Variants in NAT1 observed in about 807,000 individuals in gnomAD.
The protein encoded by NAT1 is arylamine N-acetyltransferase 1.
For missense variants in NAT1, 400 were observed against 339.2 expected (o/e 1.18, Z -1.41); for synonymous variants, 144 against 122.6 (o/e 1.17, Z -1.16).
intron 1 of NAT1, among the ~76,000 whole-genome samples, chr8:18,215,999 G>A (rs542691707): frequency 5.8e-4 from 88 of 152,256 alleles, no homozygotes; most frequent in Non-Finnish European, 9.4e-4. Context: ...GAGAAGCACC[G>A]TTTTCATGTA....
chr8:18,183,162 G>A (rs1802588704), intron 2 of NAT1, among the ~76,000 whole-genome samples: 1 of 152,114 alleles, frequency 6.6e-6, no homozygotes, highest in African/African-American at 2.4e-5. Context: ...GTGGTGGAAG[G>A]TGAAAAGGAC....
At position 18,180,349 on chromosome 8, in the gene NAT1, GC is replaced by G. The variant is rs1315572099; in HGVS notation, n.92+9611del. Among the ~76,000 whole-genome samples, 6 of 152,144 alleles carry G rather than the reference GC, an allele frequency of 3.9e-5. No homozygotes were observed. In the East Asian group the frequency reaches 9.6e-4, roughly 24 times the overall value. ...TCTGAGGGGTTGAGAAATGGTTTTT[GC>G]AGTCCAAAAGTACAGATGGAGCAAA... On this transcript the variant is annotated intron_variant and non_coding_transcript_variant, in intron 2 of 4. Coordinates refer to the NAT1 transcript ENST00000517441.
intron 2 of NAT1, among the ~76,000 whole-genome samples, chr8:18,188,077 T>C (rs1802818023): frequency 6.6e-6 from 1 of 151,994 alleles, no homozygotes; most frequent in African/African-American, 2.4e-5. Context: ...CTTTACATAA[T>C]ACAGACTAGA....
At chr8:18,216,883 A>G (rs1215092303) in intron 1 of NAT1, 1 of 1,546,242 alleles carries the variant, frequency 6.5e-7, no homozygotes, top group South Asian at 1.2e-5. Context: ...ACAGACGTGT[A>G]CAGAAGGGCC....
In NAT1 at chr8:18,219,373, T is replaced by C. The variant is rs1244627326; in HGVS notation, c.-85-38T>C. The C allele has an allele frequency of 3.8e-6, 5 of 1,331,618 alleles. No homozygotes were observed. The African/African-American group carries it at 7.4e-5, about 20-fold the overall frequency. 82.5% of individuals were successfully genotyped at this position (1,331,618 alleles called of 1,614,324 possible). On this transcript the variant is annotated intron_variant, in intron 1 of 2. Transcript: ENST00000307719. ...TATTATTTTGTTTTCAAGGAAGTCA[T>C]GTTATATATTTCTGACTGTCTTTTC...
rs141105662 is a variant in NAT1 at position 18,175,775 on chromosome 8, T to C, written n.92+5036T>C. The stretch of plus-strand genomic sequence containing the variant: ...TATGGTAATTATATTTTTAGTTTTT[T>C]TGAGGAAACTTCATACTTTTTCCCA... On this transcript the variant is annotated intron_variant and non_coding_transcript_variant, in intron 2 of 4. Coordinates refer to the NAT1 transcript ENST00000517441. 1.6e-3 allele frequency among the ~76,000 whole-genome samples: 241 copies of C among 152,218 alleles called. 6 individuals carry two copies. In the East Asian group the frequency reaches 0.027, roughly 17 times the overall value.
chr8:18,193,277 C>G (rs1234301746), intron 2 of NAT1, among the ~76,000 whole-genome samples: 2 of 148,952 alleles, frequency 1.3e-5, no homozygotes, highest in Admixed American at 1.3e-4. Context: ...GATGGGGTTT[C>G]CCTGTGTTGG....
At chr8:18,221,310 G>GT (rs1192441117) in intron 2 of NAT1, among the ~76,000 whole-genome samples, 5 of 137,702 alleles carry the variant, frequency 3.6e-5, no homozygotes, top group African/African-American at 1.5e-4. Flanking sequence ...TTTTTTTGGT[G>GT]TGTTTTTTTT....
chr8:18,191,918 C>T (rs1803007489), intron 2 of NAT1, among the ~76,000 whole-genome samples: 1 of 152,168 alleles, frequency 6.6e-6, no homozygotes, highest in African/African-American at 2.4e-5. Flanking sequence ...CCATTTAGGA[C>T]ATAGGCATGG....
At chr8:18,191,593 A>G (rs866499169) in intron 2 of NAT1, among the ~76,000 whole-genome samples, 8 of 151,962 alleles carry the variant, frequency 5.3e-5, no homozygotes, top group African/African-American at 1.9e-4. Flanking sequence ...TTCAAACTAT[A>G]CTACAAGGCT....
chr8:18,217,076 G>T, intron 1 of NAT1: 1 of 892,142 alleles, frequency 1.1e-6, no homozygotes. Flanking sequence ...CTGTGAGTCT[G>T]GGGAATTAGT....
rs748748310 is a variant in NAT1 at position 18,223,387 on chromosome 8, C to T, written c.*467C>T. 3 of 167,050 alleles carry T rather than the reference C, an allele frequency of 1.8e-5. No homozygotes were observed. Among genetic ancestry groups the T allele is most frequent in the Non-Finnish European group, 4.4e-5 (3 of 68,132 alleles). 10.3% of individuals were successfully genotyped at this position (167,050 alleles called of 1,614,324 possible). A position where few individuals can be genotyped will look rare whatever the true frequency, so the allele number is the denominator to read the frequency against. ...CATAATTTTTCCTCGATGCTCTCTT[C>T]CTCTCATCTTTCTTGTCTCTTAAAT... On this transcript the variant is annotated 3_prime_UTR_variant, in exon 3 of 3. Transcript: ENST00000307719.
rs978003872 is a variant in NAT1 at position 18,184,357 on chromosome 8, G to A, written n.92+13618G>A. Among the ~76,000 whole-genome samples, 7 of 152,190 alleles carry A rather than the reference G, an allele frequency of 4.6e-5. No homozygotes were observed. The South Asian group carries it at 1.2e-3, about 27-fold the overall frequency. ...TGATAGAGAGCAGCCCACGGAGGGC[G>A]CCCTGGGCCCATCATCCAAAACCCT... On this transcript the variant is annotated intron_variant and non_coding_transcript_variant, in intron 2 of 4. Coordinates refer to the NAT1 transcript ENST00000517441.
Position 18,222,942 on chromosome 8 carries a change from G to A in NAT1, c.*22G>A. ...TTAGAATAAGGAGTAAAACAATCTT[G>A]TCTATTTGTCATCCAGCTCACCAGT... On this transcript the variant is annotated 3_prime_UTR_variant, in exon 3 of 3. Coordinates refer to ENST00000307719, the MANE Select transcript of NAT1 (RefSeq NM_000662.8). The A allele has an allele frequency of 6.6e-7, 1 of 1,514,014 alleles. No homozygotes were observed. Among genetic ancestry groups the A allele is most frequent in the Non-Finnish European group, 8.8e-7 (1 of 1,136,410 alleles). The allele number at this position is 1,514,014 out of a possible 1,614,324, so 93.8% of individuals were successfully genotyped here. A position where few individuals can be genotyped will look rare whatever the true frequency, so the allele number is the denominator to read the frequency against.
intron 2 of NAT1, among the ~76,000 whole-genome samples, chr8:18,190,787 C>T (rs968028693): frequency 1.3e-5 from 2 of 151,932 alleles, no homozygotes; most frequent in East Asian, 3.9e-4. Context: ...ATAAACAGGG[C>T]CAGGCATGGT....
chr8:18,217,002 C>G, intron 1 of NAT1: 2 of 1,539,008 alleles, frequency 1.3e-6, no homozygotes, highest in Non-Finnish European at 1.8e-6. Flanking sequence ...TGGGTCAGTA[C>G]CCTGGATGCA....
chr8:18,182,783 T>C (rs1006933572), intron 2 of NAT1, among the ~76,000 whole-genome samples: 1 of 152,174 alleles, frequency 6.6e-6, no homozygotes, highest in African/African-American at 2.4e-5. Context: ...CAAAAAGTGT[T>C]GGGATTTAGA....
intron 2 of NAT1, 123 bp from the exon 3 acceptor site, chr8:18,221,919 G>T: frequency 9.4e-7 from 1 of 1,066,082 alleles, no homozygotes; most frequent in East Asian, 2.6e-5. Flanking sequence ...GAAAGCACTA[G>T]AAATAATTAT....
At chr8:18,200,319 A>AC (rs1803408229) in intron 2 of NAT1, among the ~76,000 whole-genome samples, 1 of 12,804 alleles carries the variant, frequency 7.8e-5, no homozygotes, top group African/African-American at 2.5e-4. Context: ...AGACTGGATT[A>AC]AAAAAAAATA....
Sources: gnomAD v4.1 joint callset for allele counts (sites outside exome capture counted in the v4.1 genomes callset) on GRCh38, gnomAD v4.1.1 for gene constraint, MANE v1.5 for transcripts, NCBI Gene and HGNC (gene_info 2026-07-23, HGNC 2026-07-21) for gene names.